Variants in TRIO observed in about 807,000 individuals in gnomAD.
TRIO encodes triple functional domain protein.
In TRIO, 58 loss-of-function variants were observed where a neutral mutation model predicts 351.9. The observed-to-expected ratio is 0.16, with a 90% CI of 0.13 to 0.21. TRIO has a LOEUF of 0.21. Among genes scored for constraint, TRIO ranks in the 10% least tolerant of loss-of-function variants. TRIO has a pLI of 1.00. For synonymous variants in TRIO, 1,758 were observed against 1,595.7 expected (o/e 1.10, Z -2.42); for missense variants, 3,201 against 4,027.8 (o/e 0.79, Z 5.56).
At chr5:14,272,413 G>A (rs1423996274) in intron 2 of TRIO, among the ~76,000 whole-genome samples, 1 of 152,166 alleles carries the variant, frequency 6.6e-6, no homozygotes, top group East Asian at 1.9e-4. Flanking sequence ...AGATTGGTGG[G>A]TTTTATTTGT....
At chr5:14,362,003 A>G (rs372779815) in intron 13 of TRIO, among the ~76,000 whole-genome samples, 209 of 152,296 alleles carry the variant, frequency 1.4e-3, no homozygotes, top group African/African-American at 4.9e-3. Flanking sequence ...ACTCCCAGCT[A>G]CTTGGGAGAC....
chr5:14,321,561 A>T (rs1654155338), intron 9 of TRIO, among the ~76,000 whole-genome samples: 1 of 152,230 alleles, frequency 6.6e-6, no homozygotes, highest in South Asian at 2.1e-4. Context: ...ATTTCACCTC[A>T]TAGAGTTCAA....
chr5:14,261,716 A>T (rs1199315860), intron 1 of TRIO, among the ~76,000 whole-genome samples: 2 of 152,212 alleles, frequency 1.3e-5, no homozygotes, highest in African/African-American at 4.8e-5. Flanking sequence ...AGGTGCTGGA[A>T]CGACAAGCCT....
Position 14,387,716 on chromosome 5 carries a change from C to G in TRIO, c.3766-16C>G. On this transcript the variant is annotated splice_polypyrimidine_tract_variant and intron_variant, in intron 22 of 56. Coordinates refer to ENST00000344204, the MANE Select transcript of TRIO (RefSeq NM_007118.4). ...TGATTTAATTAACTGAGTTCATTGG[C>G]TCTGTTATTCCACAGAGTAAAAGTC... 1.2e-6 allele frequency: 2 copies of G among 1,613,436 alleles called. No homozygotes were observed. The highest frequency in any genetic ancestry group is 1.7e-6 in the Non-Finnish European group (2 of 1,179,406).
At chr5:14,385,364 C>T (rs1378817447) in intron 21 of TRIO, among the ~76,000 whole-genome samples, 2 of 152,172 alleles carry the variant, frequency 1.3e-5, no homozygotes, top group East Asian at 1.9e-4. Context: ...GGTGGAGAGA[C>T]GTTAACTTAC....
rs757005765 is a variant in TRIO, at chr5:14,488,188, C to A, written c.7560C>A (p.Gly2520=). ...AGACACCCCGCCACGCGGCCCCTGGCAAGGATACTGACCGCATGAGCACGT... is the reference window on the plus strand; with the variant it reads ...AGACACCCCGCCACGCGGCCCCTGGAAAGGATACTGACCGCATGAGCACGT... ...QRQTPRHAAP[G]KDTDRMSTCS... is the part of the protein sequence containing the mutation. The change falls in exon 48 of 57, where the codon GGC becomes GGA. Residue 2520 remains glycine, a synonymous_variant. Transcript: ENST00000344204. 9.4e-6 allele frequency: 15 copies of A among 1,599,344 alleles called. 1 individual carries two copies. In the South Asian group the frequency reaches 1.5e-4, roughly 17 times the overall value.
intron 34 of TRIO, among the ~76,000 whole-genome samples, chr5:14,438,573 G>A (rs1184814918): frequency 1.3e-5 from 2 of 152,124 alleles, no homozygotes; most frequent in Admixed American, 6.5e-5. Context: ...TCTTCCCACG[G>A]TCTGTTGAGG....
chr5:14,156,509 A>AACCAT (rs1380465964), intron 1 of TRIO, among the ~76,000 whole-genome samples: 1 of 152,248 alleles, frequency 6.6e-6, no homozygotes, highest in Non-Finnish European at 1.5e-5. Context: ...TGGTGATAAA[A>AACCAT]ACCATATGTT....
chr5:14,384,620 A>G (rs1403975833), intron 21 of TRIO, among the ~76,000 whole-genome samples: 4 of 152,214 alleles, frequency 2.6e-5, no homozygotes, highest in Non-Finnish European at 5.9e-5. Context: ...TCTCACCTTG[A>G]TACCGAGATA....
chr5:14,490,266 G>T (rs1488414482), intron 48 of TRIO, among the ~76,000 whole-genome samples: 5 of 152,198 alleles, frequency 3.3e-5, no homozygotes, highest in African/African-American at 1.2e-4. Context: ...ATGACAGAGG[G>T]AGACTCCGTC....
chr5:14,194,429 G>C (rs1361143890), intron 1 of TRIO, among the ~76,000 whole-genome samples: 1 of 152,184 alleles, frequency 6.6e-6, no homozygotes, highest in Non-Finnish European at 1.5e-5. Flanking sequence ...TTGTTATACA[G>C]GTGCTCCATT....
At chr5:14,477,207 C>G in intron 41 of TRIO, 1 of 445,336 alleles carries the variant, frequency 2.2e-6, no homozygotes, top group Middle Eastern at 6.0e-4. Context: ...TGAGAGAAGA[C>G]CAGAGCCAGG....
chr5:14,225,788 T>TCCCCCC (rs1472666432), intron 1 of TRIO, among the ~76,000 whole-genome samples: 2 of 45,958 alleles, frequency 4.4e-5, no homozygotes, highest in African/African-American at 1.5e-4. Flanking sequence ...TATTCACTGC[T>TCCCCCC]CCCACCCCCC....
At chr5:14,158,339 C>T (rs532761959) in intron 1 of TRIO, among the ~76,000 whole-genome samples, 2 of 151,562 alleles carry the variant, frequency 1.3e-5, no homozygotes, top group African/African-American at 2.4e-5. Context: ...GCAGAAGAAG[C>T]GCTTGAACCC....
Position 14,389,330 on chromosome 5 carries a change from A to G in TRIO, c.3990A>G (p.Pro1330=). 1 of 1,612,958 alleles carries G rather than the reference A, an allele frequency of 6.2e-7. No homozygotes were observed. Among genetic ancestry groups the G allele is most frequent in the East Asian group, 2.2e-5 (1 of 44,770 alleles). The change falls in exon 25 of 57, where the codon CCA becomes CCG. Residue 1330 remains proline, a synonymous_variant. Transcript: ENST00000344204. ...TGACCAGTGGCGTGGAAGAGATTCC[A>G]CCTGGCATTGTAAACAAAGAACTCA... The part of the protein sequence containing the change: ...WEMTSGVEEI[P]PGIVNKELII...
At chr5:14,227,599 C>T (rs749648821) in intron 1 of TRIO, among the ~76,000 whole-genome samples, 10 of 152,124 alleles carry the variant, frequency 6.6e-5, no homozygotes, top group Non-Finnish European at 1.5e-4. Flanking sequence ...AAGATACCAC[C>T]CTTTGAGGAA....
chr5:14,406,803 G>A, intron 33 of TRIO, 131 bp downstream of exon 33: 2 of 852,250 alleles, frequency 2.3e-6, no homozygotes, highest in South Asian at 1.6e-5. Context: ...CAGGAGTGGT[G>A]CCAGGATCCC....
intron 1 of TRIO, among the ~76,000 whole-genome samples, chr5:14,236,964 C>G (rs1581417025): frequency 6.6e-6 from 1 of 152,200 alleles, no homozygotes; most frequent in African/African-American, 2.4e-5. Flanking sequence ...GCTTCTCAGC[C>G]TCTCCTGTTA....
Position 14,286,301 on chromosome 5 carries a change from A to G in TRIO, c.348-570A>G, listed in dbSNP as rs1736440377. Among the ~76,000 whole-genome samples the G allele has an allele frequency of 6.6e-6, 1 of 152,180 alleles. No individual in the cohort carries two copies. The highest frequency in any genetic ancestry group is 1.5e-5 in the Non-Finnish European group (1 of 68,036). On this transcript the variant is annotated intron_variant, in intron 3 of 56. Transcript: ENST00000344204. The surrounding 1 kb of genome is among the most constrained non-coding windows in gnomAD (Gnocchi z 4.4). The stretch of plus-strand genomic sequence containing the variant: ...GTGGATGGTATGGAAAACCACTGAG[A>G]TAGCTTCAGGGCCAGGGATAGGGTA...
Sources: gnomAD v4.1 joint callset for allele counts (sites outside exome capture counted in the v4.1 genomes callset) on GRCh38, gnomAD v4.1.1 for gene constraint, Gnocchi (gnomAD v3.1) non-coding constraint, MANE v1.5 for transcripts, NCBI Gene and HGNC (gene_info 2026-07-23, HGNC 2026-07-21) for gene names.